The following CSGALNACT1 variants were observed in gnomAD, a reference collection of about 807,000 sequenced individuals.
The protein encoded by CSGALNACT1 is beta4GalNAcT-1.
A neutral mutation model predicts 51.0 loss-of-function variants in CSGALNACT1; 52 were observed. The ratio of observed to expected loss-of-function variants is 1.02; its 90% CI spans 0.82 to 1.29. The LOEUF (loss-of-function observed/expected upper bound fraction) is 1.29. CSGALNACT1 is among the 50% of genes most tolerant of loss of function. CSGALNACT1 has a pLI of 0.00. For synonymous variants in CSGALNACT1, 341 were observed against 254.4 expected, an observed-to-expected ratio of 1.34 and a Z score of -3.24; for missense variants, 935 against 679.2, an observed-to-expected ratio of 1.38 and a Z score of -4.19.
intron 4 of CSGALNACT1, among the ~76,000 whole-genome samples, chr8:19,477,846 G>C (rs978682559): frequency 2.0e-5 from 3 of 152,234 alleles, no homozygotes; most frequent in Admixed American, 6.5e-5. Context: ...ATGGATGTCA[G>C]CTAGAATACT....
intron 6 of CSGALNACT1, among the ~76,000 whole-genome samples, chr8:19,430,866 G>A (rs940263302): frequency 2.0e-5 from 3 of 152,020 alleles, no homozygotes; most frequent in Non-Finnish European, 4.4e-5. Context: ...TTTCAAAGTT[G>A]TGTTGTAGTT....
intron 1 of CSGALNACT1, among the ~76,000 whole-genome samples, chr8:19,617,300 T>G (rs1290649830): frequency 6.6e-6 from 1 of 152,116 alleles, no homozygotes; most frequent in Non-Finnish European, 1.5e-5. Context: ...CCGTTCACCT[T>G]CTATGGGGCC....
intron 3 of CSGALNACT1, among the ~76,000 whole-genome samples, chr8:19,588,901 C>A (rs1372980069): frequency 6.6e-6 from 1 of 152,088 alleles, no homozygotes; most frequent in Non-Finnish European, 1.5e-5. Flanking sequence ...TGGATTGGAG[C>A]CTGACACATT....
intron 1 of CSGALNACT1, among the ~76,000 whole-genome samples, chr8:19,653,181 C>T (rs1290668344): frequency 2.0e-5 from 3 of 152,114 alleles, no homozygotes; most frequent in Non-Finnish European, 4.4e-5. Context: ...GACTTCTGTC[C>T]CCTCGATTTT....
At chr8:19,618,887 T>C (rs185513050) in intron 1 of CSGALNACT1, among the ~76,000 whole-genome samples, 3 of 152,210 alleles carry the variant, frequency 2.0e-5, no homozygotes, top group African/African-American at 7.2e-5. Context: ...TCTTCCACAC[T>C]GAATTCTCTA....
chr8:19,449,834 G>A (rs544063197), intron 5 of CSGALNACT1, among the ~76,000 whole-genome samples: 26 of 151,798 alleles, frequency 1.7e-4, no homozygotes, highest in African/African-American at 6.3e-4. Flanking sequence ...GCAAAGTGAA[G>A]AATATTTTCC....
intron 3 of CSGALNACT1, among the ~76,000 whole-genome samples, chr8:19,528,230 A>G (rs1442842833): frequency 6.6e-6 from 1 of 151,942 alleles, no homozygotes; most frequent in Non-Finnish European, 1.5e-5. Flanking sequence ...TTGTGTCTCC[A>G]TCTGCCCGAA....
intron 4 of CSGALNACT1, among the ~76,000 whole-genome samples, chr8:19,501,936 C>G (rs1025019840): frequency 3.3e-5 from 5 of 151,998 alleles, no homozygotes; most frequent in Non-Finnish European, 7.4e-5. Flanking sequence ...CGTAAGAATC[C>G]AACACAAAAA....
At chr8:19,514,508 T>TATATATATATATAG (rs1467913759) in intron 3 of CSGALNACT1, among the ~76,000 whole-genome samples, 1 of 139,364 alleles carries the variant, frequency 7.2e-6, no homozygotes, top group Non-Finnish European at 1.5e-5. Flanking sequence ...TATATATATA[T>TATATATATATATAG]ATACATGTAT....
rs778105254 is a variant in CSGALNACT1, at chr8:19,405,978, C to T, written c.1401G>A (p.Thr467=). 3.1e-6 allele frequency: 5 copies of T among 1,614,158 alleles called. No individual in the cohort carries two copies. The Admixed American group carries it at 5.0e-5, about 16-fold the overall frequency. ...AGAGGTGGAAGAGTCCTCGCACAGG[C>T]GTCCGTACCACTATGAGGTTGCTGT... The change falls in exon 10 of 10, where the codon ACG becomes ACA. Residue 467 remains threonine, a synonymous_variant. Transcript: ENST00000454498.
intron 6 of CSGALNACT1, among the ~76,000 whole-genome samples, chr8:19,435,290 C>T (rs572190540): frequency 6.6e-6 from 1 of 152,178 alleles, no homozygotes; most frequent in East Asian, 1.9e-4. Context: ...GTCAAGAGAT[C>T]GAGACCATCC....
At chr8:19,528,109 G>T (rs375129395) in intron 3 of CSGALNACT1, among the ~76,000 whole-genome samples, 2 of 152,106 alleles carry the variant, frequency 1.3e-5, no homozygotes, top group South Asian at 4.1e-4. Context: ...CTGAGGCTCT[G>T]CCTGAGTAGG....
At chr8:19,664,392 G>A (rs1466537786) in intron 1 of CSGALNACT1, among the ~76,000 whole-genome samples, 1 of 152,218 alleles carries the variant, frequency 6.6e-6, no homozygotes, top group Non-Finnish European at 1.5e-5. Flanking sequence ...TGGTGGGAAT[G>A]TAAATTAGTA....
At chr8:19,522,952 C>G (rs532043928) in intron 3 of CSGALNACT1, among the ~76,000 whole-genome samples, 1 of 152,288 alleles carries the variant, frequency 6.6e-6, no homozygotes, top group South Asian at 2.1e-4. Flanking sequence ...ACTATCCTGA[C>G]ATATAACAAG....
At chr8:19,450,559 G>T (rs1250693191) in intron 5 of CSGALNACT1, among the ~76,000 whole-genome samples, 1 of 152,116 alleles carries the variant, frequency 6.6e-6, no homozygotes, top group African/African-American at 2.4e-5. Context: ...CAGCAGGAGT[G>T]AAGGAGCCTG....
chr8:19,707,929 G>A (rs549098490), intron 1 of CSGALNACT1, among the ~76,000 whole-genome samples: 2 of 152,166 alleles, frequency 1.3e-5, no homozygotes, highest in East Asian at 1.9e-4. Context: ...TGAACCCAAG[G>A]AGGGGGAGGC....
At position 19,697,747 on chromosome 8, in the gene CSGALNACT1, C is replaced by G. The variant is rs578201146; in HGVS notation, c.-297+60103G>C. 5.3e-5 allele frequency among the ~76,000 whole-genome samples: 8 copies of G among 152,036 alleles called. No individual in the cohort carries two copies. The South Asian group carries it at 1.7e-3, about 32-fold the overall frequency. ...TGGGACATGTGGACTTGAAGGAGCT[C>G]AAGAGGCAGTGGTAAACAGGACTCT... On this transcript the variant is annotated intron_variant, in intron 1 of 1. Transcript: ENST00000517494.
At chr8:19,432,870 T>C (rs1239329757) in intron 6 of CSGALNACT1, among the ~76,000 whole-genome samples, 1 of 152,186 alleles carries the variant, frequency 6.6e-6, no homozygotes, top group Non-Finnish European at 1.5e-5. Flanking sequence ...TTTACTTTTG[T>C]GAATATACTT....
At chr8:19,650,080 A>T (rs1333299144) in intron 1 of CSGALNACT1, among the ~76,000 whole-genome samples, 1 of 152,182 alleles carries the variant, frequency 6.6e-6, no homozygotes. Context: ...GAGCATCACC[A>T]ACAATCTTGT....
Sources: gnomAD v4.1 joint callset for allele counts (sites outside exome capture counted in the v4.1 genomes callset) on GRCh38, gnomAD v4.1.1 for gene constraint, MANE v1.5 for transcripts, NCBI Gene and HGNC (gene_info 2026-07-23, HGNC 2026-07-21) for gene names.